Variants in CRACD observed in about 807,000 individuals in gnomAD.
CRACD encodes capping protein-inhibiting regulator of actin dynamics.
Under a neutral mutation model 106.8 loss-of-function variants are expected in CRACD, and 56 were observed. That is an observed-to-expected ratio of 0.52 (90% CI 0.42 to 0.66). The LOEUF (loss-of-function observed/expected upper bound fraction) is 0.66. Ranked by LOEUF, CRACD falls within the 30% of genes least tolerant of loss-of-function variation. The pLI, the probability that CRACD is intolerant of heterozygous loss-of-function variation, is 0.00. For missense variants in CRACD, 1,730 were observed against 1,623.2 expected (o/e 1.07, Z -1.13); for synonymous variants, 754 against 670.8 (o/e 1.12, Z -1.92).
intron 2 of CRACD, among the ~76,000 whole-genome samples, chr4:56,187,072 A>G (rs942407676): frequency 6.6e-5 from 10 of 150,674 alleles, no homozygotes; most frequent in African/African-American, 2.4e-4. Context: ...CTATCCAAGA[A>G]AAAAAAAAAA....
intron 2 of CRACD, among the ~76,000 whole-genome samples, chr4:56,230,611 G>T (rs150620429): frequency 2.0e-5 from 3 of 152,310 alleles, no homozygotes; most frequent in African/African-American, 7.2e-5. Context: ...TTTTCGAGCA[G>T]TGTTTCTGAA....
intron 1 of CRACD, among the ~76,000 whole-genome samples, chr4:56,085,508 G>T (rs1733185055): frequency 6.6e-6 from 1 of 152,162 alleles, no homozygotes; most frequent in African/African-American, 2.4e-5. Flanking sequence ...CTGCCTTACT[G>T]GGCAGCAGAG....
intron 1 of CRACD, among the ~76,000 whole-genome samples, chr4:56,164,852 C>T (rs958947249): frequency 6.6e-6 from 1 of 152,146 alleles, no homozygotes; most frequent in Non-Finnish European, 1.5e-5. Flanking sequence ...AATGGAGAAT[C>T]GACCTAAAAG....
chr4:56,169,160 CTAAA>C (rs1367774286), intron 1 of CRACD, among the ~76,000 whole-genome samples: 1 of 152,002 alleles, frequency 6.6e-6, no homozygotes, highest in Non-Finnish European at 1.5e-5. Flanking sequence ...TTCTTCGTAG[CTAAA>C]TCAGGAAGAA....
chr4:56,204,644 G>A (rs968932119), intron 2 of CRACD, among the ~76,000 whole-genome samples: 1 of 152,118 alleles, frequency 6.6e-6, no homozygotes, highest in Non-Finnish European at 1.5e-5. Flanking sequence ...TCATACCAGT[G>A]GGGTTTTAGG....
chr4:56,070,122 C>T (rs1732588289), intron 1 of CRACD, among the ~76,000 whole-genome samples: 2 of 152,152 alleles, frequency 1.3e-5, no homozygotes, highest in South Asian at 2.1e-4. Flanking sequence ...TTAAGGCCTT[C>T]TTTGCTTGGT....
intron 1 of CRACD, among the ~76,000 whole-genome samples, chr4:56,056,602 A>AC (rs1425714794): frequency 3.3e-5 from 5 of 151,408 alleles, no homozygotes; most frequent in African/African-American, 1.2e-4. Context: ...AAAAACCAAA[A>AC]AAAAAACAAA....
chr4:56,321,625 A>G (rs1293216731), intron 8 of CRACD, among the ~76,000 whole-genome samples: 1 of 152,236 alleles, frequency 6.6e-6, no homozygotes, highest in Non-Finnish European at 1.5e-5. Context: ...AGTAAAATAC[A>G]GAAACTTGTT....
intron 2 of CRACD, among the ~76,000 whole-genome samples, chr4:56,191,472 G>A (rs1737365352): frequency 1.3e-5 from 2 of 150,826 alleles, no homozygotes; most frequent in African/African-American, 2.4e-5. Flanking sequence ...ATCCTCTCCT[G>A]TGATTTTGAC....
chr4:56,129,187 C>T (rs1163394125), intron 1 of CRACD, among the ~76,000 whole-genome samples: 3 of 152,142 alleles, frequency 2.0e-5, no homozygotes, highest in Non-Finnish European at 4.4e-5. Context: ...GCAATCCTCC[C>T]CCCTCAGCCT....
intron 1 of CRACD, among the ~76,000 whole-genome samples, chr4:56,163,752 CT>C (rs61293642): frequency 0.059 from 8,769 of 147,390 alleles, 432 homozygotes; most frequent in African/African-American, 0.12. Flanking sequence ...TTGTGTGTAT[CT>C]TTTTTTTTTT....
At position 56,248,340 on chromosome 4, in the gene CRACD, T is replaced by A. The variant is rs1740824699; in HGVS notation, c.-188-23981T>A. Among the ~76,000 whole-genome samples the A allele has an allele frequency of 2.0e-5, 3 of 152,202 alleles. No individual in the cohort carries two copies. In the South Asian group the frequency reaches 6.2e-4, roughly 31 times the overall value. On this transcript the variant is annotated intron_variant, in intron 2 of 10. Transcript: ENST00000682029. ...CTCATACCTGGAAGACTCTGTGTTT[T>A]AAACTTTTAGTAATTAATCTGCTCA...
In CRACD at chr4:56,146,350, A is replaced by G. The variant is rs570487718; in HGVS notation, c.-335-32934A>G. Among the ~76,000 whole-genome samples the G allele has an allele frequency of 2.6e-5, 4 of 151,792 alleles. No homozygotes were observed. The East Asian group carries it at 7.7e-4, about 29-fold the overall frequency. On this transcript the variant is annotated intron_variant, in intron 1 of 10. Coordinates refer to ENST00000682029, the MANE Select transcript of CRACD (RefSeq NM_001393381.1). ...TCTTTCTTGTATTTGTCTGATATGT[A>G]TTTTTGCCCGGTATTTTGTTTTCAA...
chr4:56,123,746 C>G (rs1051523078), intron 1 of CRACD, among the ~76,000 whole-genome samples: 1 of 134,064 alleles, frequency 7.5e-6, no homozygotes, highest in African/African-American at 3.0e-5. Context: ...ACAGTAGTAC[C>G]CCCCCTACAC....
intron 3 of CRACD, among the ~76,000 whole-genome samples, chr4:56,292,165 G>A (rs1577867211): frequency 6.6e-6 from 1 of 152,222 alleles, no homozygotes; most frequent in African/African-American, 2.4e-5. Context: ...GCTGCATTGT[G>A]TTCATTCCCT....
chr4:56,109,713 C>T (rs1734057664), intron 1 of CRACD, among the ~76,000 whole-genome samples: 1 of 150,152 alleles, frequency 6.7e-6, no homozygotes, highest in African/African-American at 2.5e-5. Context: ...AATATAAAAA[C>T]ATTAAAATTC....
chr4:56,169,606 C>A (rs1033809598), intron 1 of CRACD, among the ~76,000 whole-genome samples: 5 of 152,132 alleles, frequency 3.3e-5, no homozygotes, highest in African/African-American at 1.2e-4. Context: ...AAGCAATCTT[C>A]CCACCGCAGC....
intron 1 of CRACD, among the ~76,000 whole-genome samples, chr4:56,061,330 C>T (rs1182198061): frequency 6.6e-6 from 1 of 152,068 alleles, no homozygotes; most frequent in Non-Finnish European, 1.5e-5. Flanking sequence ...ACCACCATGC[C>T]CACCAGTTTT....
At position 56,314,565 on chromosome 4, in the gene CRACD, G is replaced by A. The variant is rs568276295; in HGVS notation, c.1063G>A (p.Ala355Thr). ...GCAGGAGGAGGAGGAAGGAAGATGCGCGGAGGAGCTCAAAAGGCAGGAGGA... is the reference window on the plus strand; with the variant it reads ...GCAGGAGGAGGAGGAAGGAAGATGCACGGAGGAGCTCAAAAGGCAGGAGGA... ...RRQEEEEGRC[A>T]EELKRQEEEE... Residue 355 changes from alanine (A) to threonine (T), a missense_variant, in exon 8 of 11, where the codon GCG (alanine) becomes ACG (threonine). This residue lies in a region of CRACD where 1,620 missense variants were observed against 1,481.6 expected (regional missense o/e 1.09). Coordinates refer to ENST00000682029, the MANE Select transcript of CRACD (RefSeq NM_001393381.1). The surrounding 1 kb of genome is among the most constrained non-coding windows in gnomAD (Gnocchi z 4.4). 4 of 1,513,548 alleles carry A rather than the reference G, an allele frequency of 2.6e-6. No individual in the cohort carries two copies. In the South Asian group the frequency reaches 3.9e-5, roughly 15 times the overall value. 93.8% of individuals were successfully genotyped at this position (1,513,548 alleles called of 1,614,324 possible).
Sources: allele counts gnomAD v4.1 joint callset (sites outside exome capture counted in the v4.1 genomes callset), GRCh38; gene constraint gnomAD v4.1.1; regional missense constraint gnomAD v4.1.1; non-coding constraint Gnocchi (gnomAD v3.1); transcripts MANE v1.5; gene names NCBI Gene and HGNC (gene_info 2026-07-23, HGNC 2026-07-21).